The following AFF3 variants were observed in gnomAD, a reference collection of about 807,000 sequenced individuals.
AFF3 encodes AF4/FMR2 family member 3.
A neutral mutation model predicts 129.7 loss-of-function variants in AFF3; 32 were observed. The ratio of observed to expected loss-of-function variants is 0.25; its 90% CI spans 0.19 to 0.33. The LOEUF (loss-of-function observed/expected upper bound fraction) is 0.33, where lower values mean the gene tolerates loss of function less well. Among genes scored for constraint, AFF3 ranks in the 10% least tolerant of loss-of-function variants. The pLI is 1.00. For missense variants in AFF3, 1,373 were observed against 1,592.0 expected, an observed-to-expected ratio of 0.86 and a Z score of 2.34; for synonymous variants, 644 against 635.4, an observed-to-expected ratio of 1.01 and a Z score of -0.20.
intron 4 of AFF3, among the ~76,000 whole-genome samples, chr2:100,054,970 A>G (rs1663091002): frequency 6.6e-6 from 1 of 152,202 alleles, no homozygotes; most frequent in Non-Finnish European, 1.5e-5. Context: ...ACCTGAGCAG[A>G]TACAGTAGAA....
At chr2:99,890,072 G>C (rs1198045174) in intron 7 of AFF3, among the ~76,000 whole-genome samples, 1 of 152,166 alleles carries the variant, frequency 6.6e-6, no homozygotes, top group Non-Finnish European at 1.5e-5. Context: ...CTCTCTGTTT[G>C]GTCTTTTTGT....
Position 99,744,382 on chromosome 2 carries a change from A to G in AFF3, c.1003-242T>C, listed in dbSNP as rs189448177. Reference sequence around the variant, plus strand: ...ACTTTCTGTTTTGTTTATTGAGGTGAAGTTCACATAACATTAAAATTAACC... The same window carrying G: ...ACTTTCTGTTTTGTTTATTGAGGTGGAGTTCACATAACATTAAAATTAACC... On this transcript the variant is annotated intron_variant, in intron 9 of 24. Transcript: ENST00000672756. Among the ~76,000 whole-genome samples the G allele has an allele frequency of 3.9e-5, 6 of 152,342 alleles. No individual in the cohort carries two copies. In the East Asian group the frequency reaches 1.2e-3, roughly 29 times the overall value.
intron 9 of AFF3, among the ~76,000 whole-genome samples, chr2:99,745,603 G>C (rs919769325): frequency 1.3e-5 from 2 of 151,994 alleles, no homozygotes; most frequent in African/African-American, 4.8e-5. Flanking sequence ...AACCTTTACT[G>C]CCACCCATTT....
rs369367103 is a variant in AFF3 at position 100,127,478 on chromosome 2, T to C, written c.-145+1746A>G. 7.9e-5 allele frequency among the ~76,000 whole-genome samples: 12 copies of C among 152,214 alleles called. No homozygotes were observed. In the East Asian group the frequency reaches 1.9e-3, roughly 25 times the overall value. Reference sequence around the variant, plus strand: ...TCAGAACTAGCCTGGGGTGGGGAAATGGGGTCTTCTGGTTCCTTGCGGTCA... The same window carrying C: ...TCAGAACTAGCCTGGGGTGGGGAAACGGGGTCTTCTGGTTCCTTGCGGTCA... On this transcript the variant is annotated intron_variant, in intron 2 of 24. Transcript: ENST00000672756.
chr2:99,659,309 T>A (rs1026655486), intron 12 of AFF3, among the ~76,000 whole-genome samples: 7 of 152,224 alleles, frequency 4.6e-5, no homozygotes, highest in African/African-American at 1.4e-4. Flanking sequence ...CATGCATACA[T>A]GTGCCTGTCT....
At chr2:99,700,805 CA>C (rs1454384275) in intron 11 of AFF3, among the ~76,000 whole-genome samples, 3 of 152,120 alleles carry the variant, frequency 2.0e-5, no homozygotes, top group Admixed American at 6.5e-5. Context: ...AAGATGGGGA[CA>C]GGGGGAAGGA....
intron 13 of AFF3, among the ~76,000 whole-genome samples, chr2:99,625,272 A>G (rs1168223054): frequency 6.6e-6 from 1 of 152,212 alleles, no homozygotes; most frequent in Non-Finnish European, 1.5e-5. Context: ...TGCCAGGCAA[A>G]ATACAGGGCA....
At chr2:100,118,241 A>G (rs1287904214) in intron 2 of AFF3, among the ~76,000 whole-genome samples, 1 of 152,220 alleles carries the variant, frequency 6.6e-6, no homozygotes, top group Non-Finnish European at 1.5e-5. Context: ...TTATCCAAAT[A>G]AAGTTTTATT....
At chr2:100,079,083 A>G (rs1293736421) in intron 4 of AFF3, among the ~76,000 whole-genome samples, 2 of 151,756 alleles carry the variant, frequency 1.3e-5, no homozygotes, top group Non-Finnish European at 2.9e-5. Flanking sequence ...AGTAGCTGAG[A>G]CTATAGGTGC....
rs774534077 is a variant in AFF3 at position 99,593,796 on chromosome 2, G to A, written c.1865C>T (p.Pro622Leu). The A allele has an allele frequency of 3.7e-6, 6 of 1,611,086 alleles. No individual in the cohort carries two copies. The highest frequency in any genetic ancestry group is 2.2e-5 in the South Asian group (2 of 91,020). The change falls in exon 15 of 25, where the codon CCG becomes CTG. Residue 622 changes from proline to leucine, a missense_variant. By Grantham distance (98) the Pro-to-Leu change is moderately conservative (BLOSUM62 -3). This residue lies in a region of AFF3 where 466 missense variants were observed against 505.0 expected (regional missense o/e 0.92). Coordinates refer to ENST00000672756, the MANE Select transcript of AFF3 (RefSeq NM_001386135.1). ...DALGTSVVVP[P>L]EPTKTRPCGN... ...ACAGGGCCTGGTTTTGGTGGGCTCCGGGGGGACCACCACGCTCGTCCCCAG... is the reference window on the plus strand; with the variant it reads ...ACAGGGCCTGGTTTTGGTGGGCTCCAGGGGGACCACCACGCTCGTCCCCAG...
intron 7 of AFF3, among the ~76,000 whole-genome samples, chr2:99,956,237 T>C (rs1448365044): frequency 6.6e-6 from 1 of 151,868 alleles, no homozygotes; most frequent in Non-Finnish European, 1.5e-5. Flanking sequence ...AAGAACCAAC[T>C]GATATGTGTC....
chr2:99,962,608 T>C (rs781187754), intron 7 of AFF3, among the ~76,000 whole-genome samples: 27 of 151,952 alleles, frequency 1.8e-4, no homozygotes, highest in Non-Finnish European at 3.1e-4. Flanking sequence ...AAAAATACTA[T>C]AACAGAAATA....
At chr2:99,828,861 C>T (rs924613024) in intron 8 of AFF3, among the ~76,000 whole-genome samples, 32 of 152,212 alleles carry the variant, frequency 2.1e-4, no homozygotes, top group African/African-American at 6.8e-4. Context: ...CACACGTACA[C>T]ACATTCACAT....
intron 7 of AFF3, among the ~76,000 whole-genome samples, chr2:99,870,482 T>A (rs1218439384): frequency 6.6e-6 from 1 of 152,180 alleles, no homozygotes; most frequent in Non-Finnish European, 1.5e-5. Flanking sequence ...ACCCTCAGCA[T>A]CCTAGCTCTG....
At position 99,896,620 on chromosome 2, in the gene AFF3, C is replaced by CTTTTTTTTTTTTTTTTT. The variant is rs35573862; in HGVS notation, c.874-59113_874-59097dup. The stretch of plus-strand genomic sequence containing the variant: ...GATCATTTACTTCCCTGTCAAAATG[C>CTTTTTTTTTTTTTTTTT]TTTTTTTTTTTTTTTTTTTTTTTTT... On this transcript the variant is annotated intron_variant, in intron 7 of 24. Transcript: ENST00000672756. Among the ~76,000 whole-genome samples, 5 of 36,094 alleles carry CTTTTTTTTTTTTTTTTT rather than the reference C, an allele frequency of 1.4e-4. 1 individual carries two copies. Among genetic ancestry groups the CTTTTTTTTTTTTTTTTT allele is most frequent in the Non-Finnish European group, 2.6e-4 (5 of 19,346 alleles). 23.7% of individuals were successfully genotyped at this position (36,094 alleles called of 152,430 possible).
At chr2:99,640,570 TG>T (rs1684098743) in intron 13 of AFF3, among the ~76,000 whole-genome samples, 1 of 152,078 alleles carries the variant, frequency 6.6e-6, no homozygotes, top group South Asian at 2.1e-4. Context: ...TGCTTCACGA[TG>T]TCTTGTAAAA....
intron 11 of AFF3, among the ~76,000 whole-genome samples, chr2:99,694,318 C>T (rs1384721178): frequency 6.6e-6 from 1 of 152,164 alleles, no homozygotes; most frequent in Non-Finnish European, 1.5e-5. Context: ...ACCCACTGGG[C>T]ACTCTTGACC....
At chr2:99,727,156 G>T in intron 10 of AFF3, 28 bp from the exon 11 acceptor site, 1 of 1,593,816 alleles carries the variant, frequency 6.3e-7, no homozygotes, top group Non-Finnish European at 8.6e-7. Flanking sequence ...AAAAAATACC[G>T]ACATATGAGT....
intron 2 of AFF3, among the ~76,000 whole-genome samples, chr2:100,108,108 C>T (rs1691382967): frequency 6.6e-6 from 1 of 152,216 alleles, no homozygotes; most frequent in Admixed American, 6.5e-5. Context: ...TCTCCTGTTC[C>T]AGCAAAGCTG....
Sources: allele counts gnomAD v4.1 joint callset (sites outside exome capture counted in the v4.1 genomes callset), GRCh38; gene constraint gnomAD v4.1.1; regional missense constraint gnomAD v4.1.1; transcripts MANE v1.5; gene names NCBI Gene and HGNC (gene_info 2026-07-23, HGNC 2026-07-21).